MAGI3: variants seen among roughly 807,000 people sequenced by gnomAD.
The protein encoded by MAGI3 is membrane associated guanylate kinase, WW and PDZ domain containing 3, also known as membrane-associated guanylate kinase, WW and PDZ domain-containing protein 3.
In MAGI3, 43 loss-of-function variants were observed where a neutral mutation model predicts 121.8. The observed-to-expected ratio is 0.35, with a 90% CI of 0.28 to 0.46. MAGI3 has a LOEUF of 0.46. Among genes scored for constraint, MAGI3 ranks in the 20% least tolerant of loss-of-function variants. MAGI3 has a pLI of 1.00. For missense variants in MAGI3, 1,547 were observed against 1,797.3 expected (o/e 0.86, Z 2.52); for synonymous variants, 553 against 639.3 (o/e 0.86, Z 2.04).
chr1:113,411,872 T>C (rs1313232186), intron 1 of MAGI3, among the ~76,000 whole-genome samples: 1 of 151,994 alleles, frequency 6.6e-6, no homozygotes, highest in Non-Finnish European at 1.5e-5. Context: ...AAATAACTTA[T>C]TTATTTATTT....
At chr1:113,448,642 T>C (rs1654301562) in intron 1 of MAGI3, among the ~76,000 whole-genome samples, 1 of 152,112 alleles carries the variant, frequency 6.6e-6, no homozygotes, top group Admixed American at 6.5e-5. Flanking sequence ...AGCAATGATT[T>C]ATGGTATTAT....
chr1:113,540,624 T>C (rs1479227422), intron 1 of MAGI3, among the ~76,000 whole-genome samples: 4 of 152,186 alleles, frequency 2.6e-5, no homozygotes, highest in Non-Finnish European at 5.9e-5. Context: ...AGGGTAGAGC[T>C]GGGTGTTGAC....
intron 2 of MAGI3, among the ~76,000 whole-genome samples, chr1:113,575,602 G>T (rs1191995001): frequency 2.0e-5 from 3 of 152,214 alleles, no homozygotes; most frequent in African/African-American, 7.2e-5. Flanking sequence ...GCCAGCCAGA[G>T]CTCTCCTGTA....
At chr1:113,656,694 G>A (rs1653491917) in intron 15 of MAGI3, among the ~76,000 whole-genome samples, 1 of 152,166 alleles carries the variant, frequency 6.6e-6, no homozygotes, top group Non-Finnish European at 1.5e-5. Context: ...TGGGATTACA[G>A]ACATGAGCCA....
At chr1:113,615,110 A>T (rs917761937) in intron 7 of MAGI3, among the ~76,000 whole-genome samples, 1 of 152,188 alleles carries the variant, frequency 6.6e-6, no homozygotes, top group Non-Finnish European at 1.5e-5. Context: ...TTAAGGAGTT[A>T]TTCAAGGAAA....
At chr1:113,611,989 G>A (rs1433163230) in intron 6 of MAGI3, among the ~76,000 whole-genome samples, 1 of 143,048 alleles carries the variant, frequency 7.0e-6, no homozygotes, top group Non-Finnish European at 1.5e-5. Context: ...CTATCACCAG[G>A]CTGGAATGCA....
chr1:113,534,506 A>G (rs967930629), intron 1 of MAGI3, among the ~76,000 whole-genome samples: 2 of 151,820 alleles, frequency 1.3e-5, no homozygotes, highest in African/African-American at 2.4e-5. Context: ...CTCTCCATTC[A>G]TTCTTCCAGT....
intron 1 of MAGI3, among the ~76,000 whole-genome samples, chr1:113,485,014 G>A (rs895107145): frequency 6.6e-6 from 1 of 151,954 alleles, no homozygotes; most frequent in Non-Finnish European, 1.5e-5. Flanking sequence ...TTACAGGTGT[G>A]AACCACCACG....
Position 113,683,913 on chromosome 1 carries a change from A to G in MAGI3, c.4345A>G (p.Ser1449Gly). ...GACTGGAAGGTTCAAACCGGAAAGC[A>G]GTTCTCCAGTTAAGAAAACACTGAT... is the stretch of plus-strand genomic sequence containing the variant. Reference protein sequence around the residue: ...KETGRFKPESSSPVKKTLITP... With the variant: ...KETGRFKPESGSPVKKTLITP... The change falls in exon 21 of 21, where the codon AGT (serine) becomes GGT (glycine). Residue 1449 changes from serine to glycine, a missense_variant. Transcript: ENST00000307546. The G allele has an allele frequency of 6.2e-7, 1 of 1,611,582 alleles. No homozygotes were observed. The highest frequency in any genetic ancestry group is 8.5e-7 in the Non-Finnish European group (1 of 1,178,818).
intron 1 of MAGI3, among the ~76,000 whole-genome samples, chr1:113,469,974 A>G (rs2101536968): frequency 6.6e-6 from 1 of 152,290 alleles, no homozygotes; most frequent in East Asian, 1.9e-4. Flanking sequence ...TTTCCCATAT[A>G]TGCTAAGTTT....
chr1:113,544,942 C>T (rs1659459351), intron 1 of MAGI3, among the ~76,000 whole-genome samples: 1 of 151,702 alleles, frequency 6.6e-6, no homozygotes, highest in South Asian at 2.1e-4. Context: ...GATGGAGTAT[C>T]ATTCACTTTA....
chr1:113,629,587 G>A (rs375841225), intron 9 of MAGI3, among the ~76,000 whole-genome samples: 1 of 152,100 alleles, frequency 6.6e-6, no homozygotes, highest in South Asian at 2.1e-4. Context: ...CCAGGTATTC[G>A]AAGGGACCTA....
At chr1:113,520,689 G>A (rs961508786) in intron 1 of MAGI3, among the ~76,000 whole-genome samples, 1 of 151,906 alleles carries the variant, frequency 6.6e-6, no homozygotes, top group South Asian at 2.1e-4. Context: ...CACAACTTCG[G>A]TCTCCTCAGT....
chr1:113,534,819 A>G (rs569198429), intron 1 of MAGI3, among the ~76,000 whole-genome samples: 4 of 151,456 alleles, frequency 2.6e-5, no homozygotes, highest in Middle Eastern at 6.8e-3. Flanking sequence ...TTTCTTTTTT[A>G]TGGGAAGTAT....
chr1:113,603,709 G>A (rs986371524), intron 6 of MAGI3, among the ~76,000 whole-genome samples: 3 of 152,076 alleles, frequency 2.0e-5, no homozygotes, highest in African/African-American at 7.2e-5. Flanking sequence ...CAGAATGGGA[G>A]AACATATTTG....
intron 1 of MAGI3, among the ~76,000 whole-genome samples, chr1:113,504,133 G>A (rs1034386179): frequency 6.6e-6 from 1 of 151,920 alleles, no homozygotes; most frequent in Non-Finnish European, 1.5e-5. Context: ...ATGGAAAGAA[G>A]GAACTTTGAT....
At chr1:113,413,861 A>G (rs1339965046) in intron 1 of MAGI3, among the ~76,000 whole-genome samples, 2 of 152,064 alleles carry the variant, frequency 1.3e-5, no homozygotes. Context: ...CTAATTGGAT[A>G]CCCTTTATTT....
chr1:113,489,865 A>T (rs1257035531), intron 1 of MAGI3, among the ~76,000 whole-genome samples: 1 of 152,054 alleles, frequency 6.6e-6, no homozygotes, highest in African/African-American at 2.4e-5. Flanking sequence ...GAAGGAACAA[A>T]ACCTCCAAGA....
intron 1 of MAGI3, among the ~76,000 whole-genome samples, chr1:113,397,834 C>T (rs960281347): frequency 6.6e-6 from 1 of 151,988 alleles, no homozygotes; most frequent in Admixed American, 6.6e-5. Context: ...ACCATTAGTT[C>T]TGTTCTTTAT....
Sources: allele counts gnomAD v4.1 joint callset (sites outside exome capture counted in the v4.1 genomes callset), GRCh38; gene constraint gnomAD v4.1.1; transcripts MANE v1.5; gene names NCBI Gene and HGNC (gene_info 2026-07-23, HGNC 2026-07-21).